The following PRELID3A variants were observed in gnomAD, a reference collection of about 807,000 sequenced individuals.
PRELID3A encodes PRELI domain containing protein 3A.
In PRELID3A, 27 loss-of-function variants were observed where a neutral mutation model predicts 23.0. The observed-to-expected ratio is 1.17, with a 90% confidence interval of 0.87 to 1.62. The LOEUF is 1.62. Ranked by LOEUF, PRELID3A falls within the 40% of genes most tolerant of loss-of-function variation. The pLI, the probability that PRELID3A is intolerant of heterozygous loss-of-function variation, is 0.00. For missense variants in PRELID3A, 231 were observed against 231.4 expected, an observed-to-expected ratio of 1.00 and a Z score of 0.01; for synonymous variants, 87 against 86.4, an observed-to-expected ratio of 1.01 and a Z score of -0.04.
intron 1 of PRELID3A, among the ~76,000 whole-genome samples, chr18:12,409,432 G>T (rs1909842071): frequency 6.6e-6 from 1 of 152,066 alleles, no homozygotes; most frequent in Non-Finnish European, 1.5e-5. Flanking sequence ...CTCCCAAAGT[G>T]CTGGGATTAT....
chr18:12,416,706 C>T (rs1002957529), intron 1 of PRELID3A, among the ~76,000 whole-genome samples: 3 of 148,976 alleles, frequency 2.0e-5, no homozygotes, highest in Non-Finnish European at 3.0e-5. Context: ...AGTGCAGTGG[C>T]ATGATCTGGG....
intron 1 of PRELID3A, chr18:12,419,979 C>T: frequency 8.4e-6 from 3 of 356,586 alleles, no homozygotes; most frequent in East Asian, 6.4e-5. Flanking sequence ...GTCCCAGCTA[C>T]TGGAGGTGGG....
chr18:12,420,696 G>A, intron 2 of PRELID3A, among the ~76,000 whole-genome samples: 1 of 131,894 alleles, frequency 7.6e-6, no homozygotes, highest in Non-Finnish European at 1.7e-5. Context: ...AGATCAGGGG[G>A]CACGGGCTGG....
chr18:12,425,961 G>A (rs2030346368), intron 3 of PRELID3A, among the ~76,000 whole-genome samples: 1 of 151,914 alleles, frequency 6.6e-6, no homozygotes, highest in Non-Finnish European at 1.5e-5. Flanking sequence ...AAGAGGCCAG[G>A]TGTGGTGGCT....
intron 1 of PRELID3A, among the ~76,000 whole-genome samples, chr18:12,414,699 TCTCACTC>T (rs2029890520): frequency 6.6e-6 from 1 of 151,856 alleles, no homozygotes; most frequent in African/African-American, 2.4e-5. Context: ...TGCATCCCAG[TCTCACTC>T]TGCAACAGAG....
intron 1 of PRELID3A, among the ~76,000 whole-genome samples, chr18:12,409,549 A>G (rs1403187893): frequency 6.6e-6 from 1 of 152,122 alleles, no homozygotes; most frequent in Admixed American, 6.6e-5. Flanking sequence ...AAGTCTTTAG[A>G]CTTGATGGGA....
In PRELID3A at chr18:12,427,049, C is replaced by T. The variant is rs761107963; in HGVS notation, c.300C>T (p.Leu100=). Residue 100 remains leucine (L), a synonymous_variant, in exon 4 of 7, where the codon CTC becomes CTT. Transcript: ENST00000440960. ...KMELCSTNIT[L]TNLVSVNERL... Reference sequence around the variant, plus strand: ...TTTTTTTTCTTTTTAAGATCACACTCACAAATTTGGTGTCAGTTAATGAGA... The same window carrying T: ...TTTTTTTTCTTTTTAAGATCACACTTACAAATTTGGTGTCAGTTAATGAGA... 4.3e-6 allele frequency: 7 copies of T among 1,611,488 alleles called. No homozygotes were observed. The African/African-American group carries it at 8.0e-5, about 18-fold the overall frequency.
At chr18:12,420,670 G>A (rs2030143260) in intron 2 of PRELID3A, among the ~76,000 whole-genome samples, 177 bp downstream of exon 2, 1 of 145,408 alleles carries the variant, frequency 6.9e-6, no homozygotes, top group Admixed American at 6.8e-5. Flanking sequence ...GGGTGGCGGT[G>A]GGGGGAACTT....
chr18:12,430,616 CTG>C (rs1464533889), intron 6 of PRELID3A, among the ~76,000 whole-genome samples: 4 of 142,106 alleles, frequency 2.8e-5, no homozygotes, highest in South Asian at 2.3e-4. Flanking sequence ...TGTGTGTGCT[CTG>C]TGTATGTGAT....
intron 1 of PRELID3A, among the ~76,000 whole-genome samples, chr18:12,417,061 G>A (rs906800814): frequency 6.6e-6 from 1 of 152,060 alleles, no homozygotes; most frequent in African/African-American, 2.4e-5. Flanking sequence ...CCATTGTTCT[G>A]TTGCTATATG....
intron 1 of PRELID3A, among the ~76,000 whole-genome samples, chr18:12,411,261 A>G (rs1909897767): frequency 6.6e-6 from 1 of 151,776 alleles, no homozygotes; most frequent in African/African-American, 2.4e-5. Context: ...GATTGAGACC[A>G]TCCTGGCTAA....
At chr18:12,423,768 G>A (rs550547445) in intron 3 of PRELID3A, among the ~76,000 whole-genome samples, 3 of 152,296 alleles carry the variant, frequency 2.0e-5, no homozygotes, top group Non-Finnish European at 2.9e-5. Context: ...TACCCGAACC[G>A]GTACCTGGGC....
intron 3 of PRELID3A, among the ~76,000 whole-genome samples, chr18:12,424,086 G>A (rs1320648326): frequency 6.6e-6 from 1 of 152,204 alleles, no homozygotes; most frequent in African/African-American, 2.4e-5. Context: ...AATGTTCCCT[G>A]GTCCTATTGG....
intron 1 of PRELID3A, among the ~76,000 whole-genome samples, chr18:12,412,978 C>T (rs1461868400): frequency 6.6e-6 from 1 of 152,156 alleles, no homozygotes; most frequent in African/African-American, 2.4e-5. Flanking sequence ...ATTCTCATAT[C>T]TGCTTCTGCA....
intron 1 of PRELID3A, among the ~76,000 whole-genome samples, chr18:12,415,612 G>A (rs1194206571): frequency 6.6e-6 from 1 of 152,144 alleles, no homozygotes; most frequent in African/African-American, 2.4e-5. Context: ...ATGCAAACAT[G>A]GAGAGACTAG....
chr18:12,416,300 TTG>T (rs2029950281), intron 1 of PRELID3A, among the ~76,000 whole-genome samples: 3 of 141,084 alleles, frequency 2.1e-5, no homozygotes, highest in African/African-American at 6.4e-5. Flanking sequence ...TTCTGGGTTT[TTG>T]TTGTTGTTGT....
rs963098206 is a variant in PRELID3A, at chr18:12,407,992, C to T, written c.17C>T (p.Ser6Leu). MKIWSSEHVFGHPWDT... is the reference protein window; with the variant it reads MKIWSLEHVFGHPWDT... ...CCGGCGGCAATGAAGATCTGGAGCT[C>T]GGAGCACGTGTTTGGGTGAGGCCGG... The change falls in exon 1 of 7, where the codon TCG becomes TTG. Residue 6 changes from serine to leucine, a missense_variant. Physicochemically the swap from Ser to Leu is moderately radical, Grantham distance 145. Transcript: ENST00000440960. 10 of 1,299,030 alleles carry T rather than the reference C, an allele frequency of 7.7e-6. No individual in the cohort carries two copies. Among genetic ancestry groups the T allele is most frequent in the Non-Finnish European group, 9.8e-6 (10 of 1,024,804 alleles). 80.5% of individuals were successfully genotyped at this position (1,299,030 alleles called of 1,614,324 possible).
intron 1 of PRELID3A, among the ~76,000 whole-genome samples, chr18:12,409,413 C>T (rs574732708): frequency 2.0e-5 from 3 of 152,020 alleles, no homozygotes; most frequent in African/African-American, 7.2e-5. Context: ...GTGATCCACC[C>T]GCCTCGGCCT....
intron 1 of PRELID3A, 105 bp downstream of exon 1, chr18:12,408,112 G>A: frequency 9.8e-7 from 1 of 1,022,154 alleles, no homozygotes; most frequent in Non-Finnish European, 1.3e-6. Flanking sequence ...AGCGGGCCTC[G>A]CGGAGATCCC....
Sources: gnomAD v4.1 joint callset for allele counts (sites outside exome capture counted in the v4.1 genomes callset) on GRCh38, gnomAD v4.1.1 for gene constraint, MANE v1.5 for transcripts, NCBI Gene and HGNC (gene_info 2026-07-23, HGNC 2026-07-21) for gene names.